TAFA2: variants seen among roughly 807,000 people sequenced by gnomAD.
TAFA2 encodes the protein TAFA chemokine like family member 2.
TAFA2 carries 7 observed loss-of-function variants against 18.8 expected under a neutral mutation model. The ratio of observed to expected loss-of-function variants is 0.37; its 90% CI spans 0.21 to 0.70. The LOEUF is 0.70. Ranked by LOEUF, TAFA2 falls within the 30% of genes least tolerant of loss-of-function variation. TAFA2 has a pLI of 0.53. For missense variants in TAFA2, 122 were observed against 158.1 expected (o/e 0.77, Z 1.23); for synonymous variants, 60 against 54.2 (o/e 1.11, Z -0.47).
intron 1 of TAFA2, among the ~76,000 whole-genome samples, chr12:62,018,639 G>A (rs1881017486): frequency 6.6e-6 from 1 of 152,086 alleles, no homozygotes; most frequent in Non-Finnish European, 1.5e-5. Context: ...AGCTGAAACT[G>A]GATCCCTTCC....
Position 61,738,852 on chromosome 12 carries a change from T to C in TAFA2, c.384+14770A>G, listed in dbSNP as rs184059302. On this transcript the variant is annotated intron_variant, in intron 4 of 4. Coordinates refer to ENST00000416284, the MANE Select transcript of TAFA2 (RefSeq NM_178539.5). ...GCCCTAGTTTAAGTATGAATAGAGA[T>C]AGTAGAGGAAGTTTTGAGTTATTTC... 3.9e-5 allele frequency among the ~76,000 whole-genome samples: 6 copies of C among 152,212 alleles called. No homozygotes were observed. The East Asian group carries it at 1.2e-3, about 29-fold the overall frequency.
At chr12:62,253,462 T>C (rs1443528441) in intron 1 of TAFA2, 2 of 152,250 alleles carry the variant, frequency 1.3e-5, no homozygotes, top group Admixed American at 6.5e-5. Flanking sequence ...GTCTCTTACA[T>C]TTCTGTAAAA....
intron 1 of TAFA2, among the ~76,000 whole-genome samples, chr12:61,983,236 T>C (rs1252396493): frequency 1.3e-5 from 2 of 152,180 alleles, no homozygotes; most frequent in Non-Finnish European, 2.9e-5. Context: ...TTTATACCCA[T>C]AGGATTCAAA....
At chr12:62,089,898 GTTCTTTAA>G (rs1868637106) in intron 1 of TAFA2, among the ~76,000 whole-genome samples, 1 of 152,044 alleles carries the variant, frequency 6.6e-6, no homozygotes, top group Non-Finnish European at 1.5e-5. Flanking sequence ...CCTTAACAGA[GTTCTTTAA>G]TCGTAGTTGT....
rs183941974 is a variant in TAFA2 at position 62,020,223 on chromosome 12, A to G, written c.-1-152797T>C. Reference sequence around the variant, plus strand: ...TCAGAACATAGTAAGAAGGAGAAACACAAGAAAGACAAGAATTAAAATACA... The same window carrying G: ...TCAGAACATAGTAAGAAGGAGAAACGCAAGAAAGACAAGAATTAAAATACA... On this transcript the variant is annotated intron_variant, in intron 1 of 4. Transcript: ENST00000416284. 1.1e-4 allele frequency among the ~76,000 whole-genome samples: 17 copies of G among 152,348 alleles called. 1 individual carries two copies. The highest frequency in any genetic ancestry group is 3.3e-4 in the Admixed American group (5 of 15,306).
chr12:62,212,648 C>A (rs1245640), intron 1 of TAFA2, among the ~76,000 whole-genome samples: 133,190 of 152,208 alleles, frequency 0.88, 58,376 homozygotes, highest in Middle Eastern at 0.93. Context: ...TCCTTTGAAA[C>A]CCTGTTACAA....
chr12:62,182,136 C>T (rs2062556842), intron 1 of TAFA2, among the ~76,000 whole-genome samples: 1 of 151,950 alleles, frequency 6.6e-6, no homozygotes. Flanking sequence ...ACTTTGTATA[C>T]TAGAATATAT....
At chr12:62,206,063 C>T (rs1461130890) in intron 1 of TAFA2, among the ~76,000 whole-genome samples, 1 of 152,084 alleles carries the variant, frequency 6.6e-6, no homozygotes, top group Non-Finnish European at 1.5e-5. Context: ...CTAGTCAGTC[C>T]GAATGAGAGA....
intron 1 of TAFA2, among the ~76,000 whole-genome samples, chr12:62,238,683 T>C (rs1179966924): frequency 6.6e-6 from 1 of 152,228 alleles, no homozygotes; most frequent in Admixed American, 6.5e-5. Context: ...GCAGAAATTA[T>C]ACTTTATTTA....
rs376510604 is a variant in TAFA2, at chr12:62,072,610, A to G, written c.-2+118649T>C. ...AACCTGGGCAACATGGCAAAATCCC[A>G]TCTCTACAAAAAATACAAAAAATTA... On this transcript the variant is annotated intron_variant, in intron 1 of 4. Coordinates refer to ENST00000416284, the MANE Select transcript of TAFA2 (RefSeq NM_178539.5). 2.0e-5 allele frequency among the ~76,000 whole-genome samples: 3 copies of G among 151,800 alleles called. No individual in the cohort carries two copies. The South Asian group carries it at 6.2e-4, about 32-fold the overall frequency.
At chr12:62,108,813 C>A (rs528209373) in intron 1 of TAFA2, among the ~76,000 whole-genome samples, 11 of 152,152 alleles carry the variant, frequency 7.2e-5, no homozygotes, top group Non-Finnish European at 1.2e-4. Flanking sequence ...TCATATCCTT[C>A]ACCCACTTTT....
intron 2 of TAFA2, among the ~76,000 whole-genome samples, chr12:61,863,569 A>C (rs1874216924): frequency 6.6e-6 from 1 of 152,204 alleles, no homozygotes; most frequent in Non-Finnish European, 1.5e-5. Context: ...ATTCCTCTTC[A>C]AGTAAGTCTT....
In TAFA2 at chr12:62,099,334, A is replaced by G. The variant is rs551394289; in HGVS notation, c.-2+91925T>C. Among the ~76,000 whole-genome samples, 10 of 152,296 alleles carry G rather than the reference A, an allele frequency of 6.6e-5. No homozygotes were observed. In the Middle Eastern group the frequency reaches 0.01, roughly 155 times the overall value. ...TATTAAAAGAGCATTTAACACAAAA[A>G]TGTGATCAGTCTTCTTAACTGCAGT... On this transcript the variant is annotated intron_variant, in intron 1 of 4. Transcript: ENST00000416284.
At chr12:62,051,411 A>C (rs1273345389) in intron 1 of TAFA2, among the ~76,000 whole-genome samples, 2 of 152,126 alleles carry the variant, frequency 1.3e-5, no homozygotes, top group African/African-American at 4.8e-5. Context: ...ACAATAGAAA[A>C]ATGAATCAAA....
chr12:61,917,274 C>T (rs569984856), intron 1 of TAFA2, among the ~76,000 whole-genome samples: 66 of 152,228 alleles, frequency 4.3e-4, no homozygotes, highest in African/African-American at 1.5e-3. Flanking sequence ...CCCTATGAAT[C>T]CAAGTCTACA....
intron 2 of TAFA2, among the ~76,000 whole-genome samples, chr12:61,807,783 C>T (rs141933882): frequency 0.011 from 1,677 of 151,548 alleles, 78 homozygotes; most frequent in East Asian, 0.1. Context: ...ATTTGACCGC[C>T]CCACTGGATT....
intron 1 of TAFA2, among the ~76,000 whole-genome samples, chr12:62,038,022 T>C: frequency 6.6e-6 from 1 of 152,206 alleles, no homozygotes; most frequent in East Asian, 1.9e-4. Context: ...CTGTACTGTA[T>C]GATCTCACAT....
chr12:61,909,742 G>T (rs1256485245), intron 1 of TAFA2, among the ~76,000 whole-genome samples: 2 of 152,110 alleles, frequency 1.3e-5, no homozygotes, highest in Admixed American at 6.6e-5. Context: ...AAGGCCTCTA[G>T]TTTTTCCACA....
intron 1 of TAFA2, among the ~76,000 whole-genome samples, chr12:62,115,647 C>T (rs79425898): frequency 1.9e-3 from 288 of 152,316 alleles, no homozygotes; most frequent in African/African-American, 6.6e-3. Flanking sequence ...CACCCACTCT[C>T]ACCTCCCACA....
Sources: allele counts gnomAD v4.1 joint callset (sites outside exome capture counted in the v4.1 genomes callset), GRCh38; gene constraint gnomAD v4.1.1; transcripts MANE v1.5; gene names NCBI Gene and HGNC (gene_info 2026-07-23, HGNC 2026-07-21).